CDYL: variants seen among roughly 807,000 people sequenced by gnomAD.
The protein encoded by CDYL is chromodomain Y like, also known as chromodomain Y-like protein.
CDYL carries 8 observed loss-of-function variants against 47.3 expected under a neutral mutation model. That is an observed-to-expected ratio of 0.17 (90% CI 0.10 to 0.31). The LOEUF (loss-of-function observed/expected upper bound fraction) is 0.31. Ranked by LOEUF, CDYL falls within the 10% of genes least tolerant of loss-of-function variation. CDYL has a pLI of 1.00. For synonymous variants in CDYL, 266 were observed against 265.0 expected (o/e 1.00, Z -0.04); for missense variants, 471 against 701.4 (o/e 0.67, Z 3.71).
chr6:4,863,177 G>A (rs776246379), intron 1 of CDYL, among the ~76,000 whole-genome samples: 5 of 152,066 alleles, frequency 3.3e-5, no homozygotes, highest in South Asian at 2.1e-4. Flanking sequence ...AGATAGGAGC[G>A]GTAAACACTG....
chr6:4,828,309 G>A (rs963839735), intron 1 of CDYL, among the ~76,000 whole-genome samples: 3 of 140,352 alleles, frequency 2.1e-5, no homozygotes, highest in Admixed American at 7.6e-5. Flanking sequence ...CCAGGCTGGA[G>A]TGCGGTGGCA....
chr6:4,851,639 G>A (rs1045317547), intron 1 of CDYL, among the ~76,000 whole-genome samples: 2 of 152,204 alleles, frequency 1.3e-5, no homozygotes, highest in African/African-American at 4.8e-5. Context: ...AGGAACCACC[G>A]TTTAATTCTT....
rs72823925 is a variant in CDYL, at chr6:4,923,696, A to G, written c.692-11819A>G. On this transcript the variant is annotated intron_variant, in intron 2 of 6. Coordinates refer to ENST00000397588, the MANE Select transcript of CDYL (RefSeq NM_004824.4). ...TTCCTACTGACAGTGGATAAGAAAG[A>G]GTTCCTCTTCTAACCCGGTGAAACC... Among the ~76,000 whole-genome samples the G allele has an allele frequency of 6.6e-3, 1,011 of 152,218 alleles. 6 individuals carry two copies. The highest frequency in any genetic ancestry group is 0.011 in the Non-Finnish European group (778 of 68,008).
chr6:4,717,564 G>A (rs1389516516), intron 2 of CDYL, among the ~76,000 whole-genome samples: 4 of 151,670 alleles, frequency 2.6e-5, no homozygotes, highest in Admixed American at 1.3e-4. Flanking sequence ...TGGACACAGT[G>A]GCATGTGCCT....
At chr6:4,715,729 T>C (rs1340967835) in intron 1 of CDYL, 8 of 1,608,446 alleles carry the variant, frequency 5.0e-6, no homozygotes, top group African/African-American at 2.7e-5. Context: ...CTTGTTGGGA[T>C]TGTAATTGCA....
At chr6:4,918,923 G>A (rs1445820280) in intron 2 of CDYL, among the ~76,000 whole-genome samples, 1 of 152,160 alleles carries the variant, frequency 6.6e-6, no homozygotes, top group Non-Finnish European at 1.5e-5. Context: ...AACTCAAAAT[G>A]AAGATTAAAA....
intron 2 of CDYL, among the ~76,000 whole-genome samples, chr6:4,930,162 C>G (rs1048578160): frequency 9.2e-5 from 14 of 152,184 alleles, no homozygotes; most frequent in Non-Finnish European, 1.5e-4. Flanking sequence ...ATTAGGACTT[C>G]CGGCCCTAGG....
chr6:4,855,289 T>G (rs541897249), intron 1 of CDYL, among the ~76,000 whole-genome samples: 1 of 152,294 alleles, frequency 6.6e-6, no homozygotes, highest in South Asian at 2.1e-4. Context: ...AATTTTAATT[T>G]TTTTAGAGAT....
intron 3 of CDYL, among the ~76,000 whole-genome samples, chr6:4,740,085 A>C (rs1757770402): frequency 6.6e-6 from 1 of 152,356 alleles, no homozygotes; most frequent in South Asian, 2.1e-4. Flanking sequence ...AAAGCAGTAC[A>C]TGTGAAATTA....
chr6:4,943,454 T>G (rs1758420160), intron 4 of CDYL, 92 bp from the exon 5 acceptor site: 3 of 919,632 alleles, frequency 3.3e-6, no homozygotes, highest in Non-Finnish European at 5.0e-6. Context: ...TCCGTAGCAT[T>G]TACATCTTGG....
chr6:4,934,413 G>C (rs915696404), intron 2 of CDYL, among the ~76,000 whole-genome samples: 5 of 152,158 alleles, frequency 3.3e-5, no homozygotes, highest in Non-Finnish European at 5.9e-5. Flanking sequence ...TTGCCAGGGA[G>C]GTTATTTGGC....
intron 3 of CDYL, among the ~76,000 whole-genome samples, chr6:4,737,970 A>G (rs1271277540): frequency 6.6e-6 from 1 of 152,280 alleles, no homozygotes; most frequent in Non-Finnish European, 1.5e-5. Flanking sequence ...TGTTTGCAAC[A>G]CGAAAAACAA....
chr6:4,852,336 CTCCTTCCTTCCTTCCAATCT>C (rs1391753616), intron 1 of CDYL, among the ~76,000 whole-genome samples: 3 of 139,256 alleles, frequency 2.2e-5, no homozygotes, highest in Admixed American at 1.4e-4. Flanking sequence ...CCTTCCTTCC[CTCCTTCCTTCCTTCCAATCT>C]TCCTTCCTTC....
At chr6:4,931,337 G>A (rs141372604) in intron 2 of CDYL, among the ~76,000 whole-genome samples, 3 of 152,322 alleles carry the variant, frequency 2.0e-5, no homozygotes, top group East Asian at 3.9e-4. Flanking sequence ...GTGATATGAA[G>A]TGCTGATGGC....
chr6:4,714,347 ATTAC>A (rs1054329963), intron 1 of CDYL: 3 of 152,002 alleles, frequency 2.0e-5, no homozygotes, highest in Non-Finnish European at 4.4e-5. Flanking sequence ...TCCACCACTT[ATTAC>A]TTAGGAGAAG....
intron 1 of CDYL, among the ~76,000 whole-genome samples, chr6:4,819,300 T>G (rs765065800): frequency 9.9e-5 from 15 of 152,102 alleles, no homozygotes; most frequent in Non-Finnish European, 2.2e-4. Context: ...TTGGGGATAC[T>G]TTATTCATAC....
upstream of CDYL, among the ~76,000 whole-genome samples, chr6:4,772,626 T>C (rs984668305): frequency 3.9e-5 from 6 of 152,202 alleles, no homozygotes; most frequent in African/African-American, 7.2e-5. Flanking sequence ...TTCCACCAAG[T>C]TTTCTGGAGT....
intron 1 of CDYL, among the ~76,000 whole-genome samples, chr6:4,847,674 C>G (rs1219464701): frequency 6.6e-6 from 1 of 152,174 alleles, no homozygotes; most frequent in East Asian, 1.9e-4. Flanking sequence ...TCAGTTTTCT[C>G]CAGGATCAAT....
intron 1 of CDYL, among the ~76,000 whole-genome samples, chr6:4,875,140 A>G (rs1761584574): frequency 6.6e-6 from 1 of 152,302 alleles, no homozygotes; most frequent in Non-Finnish European, 1.5e-5. Flanking sequence ...CTTGACTCTG[A>G]CAGGCATCGC....
Sources: allele counts gnomAD v4.1 joint callset (sites outside exome capture counted in the v4.1 genomes callset), GRCh38; gene constraint gnomAD v4.1.1; transcripts MANE v1.5; gene names NCBI Gene and HGNC (gene_info 2026-07-23, HGNC 2026-07-21).